Variants in KIRREL3 observed in about 807,000 individuals in gnomAD.
KIRREL3 encodes the protein kin of IRRE-like protein 3.
A neutral mutation model predicts 89.7 loss-of-function variants in KIRREL3; 36 were observed. The ratio of observed to expected loss-of-function variants is 0.40; its 90% CI spans 0.31 to 0.53. KIRREL3 has a LOEUF of 0.53. Ranked by LOEUF, KIRREL3 falls within the 20% of genes least tolerant of loss-of-function variation. KIRREL3 has a pLI of 0.49. For synonymous variants in KIRREL3, 445 were observed against 441.4 expected (o/e 1.01, Z -0.10); for missense variants, 864 against 1,056.6 (o/e 0.82, Z 2.53).
At position 126,994,812 on chromosome 11, in the gene KIRREL3, C is replaced by A. The variant is rs1218144452; in HGVS notation, c.55+5643G>T. Among the ~76,000 whole-genome samples the A allele has an allele frequency of 6.6e-6, 1 of 152,194 alleles. No individual in the cohort carries two copies. The highest frequency in any genetic ancestry group is 1.5e-5 in the Non-Finnish European group (1 of 68,046). ...TGGCACAGTGTGCTTTCTGAGAGGA[C>A]TGAAGCCCTTCCGTGCTTCATAATA... is the stretch of plus-strand genomic sequence containing the variant. On this transcript the variant is annotated intron_variant, in intron 1 of 16. Transcript: ENST00000525144. This position sits in a 1 kb window ranked among gnomAD's most constrained non-coding sequence, Gnocchi z 5.2.
intron 1 of KIRREL3, among the ~76,000 whole-genome samples, chr11:126,600,177 AT>A (rs1942590209): frequency 6.6e-6 from 1 of 152,214 alleles, no homozygotes; most frequent in Non-Finnish European, 1.5e-5. Flanking sequence ...TGTAGCCAGT[AT>A]CCAGTGGGCA....
At position 126,471,955 on chromosome 11, in the gene KIRREL3, G is replaced by A. The variant is rs377316060; in HGVS notation, c.591+1354C>T. On this transcript the variant is annotated intron_variant, in intron 5 of 16. Transcript: ENST00000525144. The surrounding 1 kb of genome is among the most constrained non-coding windows in gnomAD (Gnocchi z 5.4). Reference sequence around the variant, plus strand: ...TGTTGGTAGACACAGCAGGGCAAGGGCTGTTGGGTAAGGGATCATGGGCTG... The same window carrying A: ...TGTTGGTAGACACAGCAGGGCAAGGACTGTTGGGTAAGGGATCATGGGCTG... Among the ~76,000 whole-genome samples, 13 of 152,166 alleles carry A rather than the reference G, an allele frequency of 8.5e-5. No individual in the cohort carries two copies. The highest frequency in any genetic ancestry group is 2.4e-4 in the African/African-American group (10 of 41,424).
intron 1 of KIRREL3, among the ~76,000 whole-genome samples, chr11:126,859,238 T>G (rs1944632302): frequency 6.6e-6 from 1 of 152,208 alleles, no homozygotes; most frequent in Non-Finnish European, 1.5e-5. Context: ...GTAATGATAA[T>G]GAAAGCAAAT....
chr11:126,633,058 G>T (rs978622134), intron 1 of KIRREL3, among the ~76,000 whole-genome samples: 2 of 151,864 alleles, frequency 1.3e-5, no homozygotes, highest in East Asian at 3.9e-4. Flanking sequence ...CTTCAGCCTG[G>T]GCAATAGAGT....
At chr11:126,972,168 T>TAGAGAGAGAGAGAGAG (rs61426707) in intron 1 of KIRREL3, among the ~76,000 whole-genome samples, 8,373 of 119,414 alleles carry the variant, frequency 0.07, 669 homozygotes, top group South Asian at 0.099. Flanking sequence ...GAGGGTCTGG[T>TAGAGAGAGAGAGAGAG]AGAGAGAGAG....
chr11:126,453,675 C>T (rs948541566), intron 7 of KIRREL3, among the ~76,000 whole-genome samples: 2 of 152,318 alleles, frequency 1.3e-5, no homozygotes, highest in African/African-American at 2.4e-5. Flanking sequence ...CTCCCCTCTC[C>T]GTGGCCCCTC....
intron 1 of KIRREL3, chr11:126,944,309 T>C (rs778138899): frequency 6.6e-6 from 1 of 152,250 alleles, no homozygotes; most frequent in Non-Finnish European, 1.5e-5. Flanking sequence ...TGTTTTTCTC[T>C]GGTTAGTCTG....
At position 126,872,154 on chromosome 11, in the gene KIRREL3, C is replaced by T. The variant is rs1945128357; in HGVS notation, c.55+128301G>A. ...ACCAGCAGACAGTGATGAAAGTGAC[C>T]TCTAGTTGTCCTTACTGCTCATTAA... On this transcript the variant is annotated intron_variant, in intron 1 of 16. Transcript: ENST00000525144. This position sits in a 1 kb window ranked among gnomAD's most constrained non-coding sequence, Gnocchi z 4.2. Among the ~76,000 whole-genome samples, 1 of 152,190 alleles carries T rather than the reference C, an allele frequency of 6.6e-6. No homozygotes were observed. The highest frequency in any genetic ancestry group is 1.9e-4 in the East Asian group (1 of 5,192).
intron 1 of KIRREL3, among the ~76,000 whole-genome samples, chr11:126,982,279 G>A (rs1056201744): frequency 2.0e-5 from 3 of 152,214 alleles, no homozygotes; most frequent in African/African-American, 7.2e-5. Flanking sequence ...AGACTTGTAA[G>A]GTGGGTGTGG....
rs1206581691 is a variant in KIRREL3, at chr11:126,750,466, G to T, written c.56-187554C>A. Among the ~76,000 whole-genome samples, 1 of 149,330 alleles carries T rather than the reference G, an allele frequency of 6.7e-6. No homozygotes were observed. The highest frequency in any genetic ancestry group is 1.5e-5 in the Non-Finnish European group (1 of 67,134). On this transcript the variant is annotated intron_variant, in intron 1 of 16. Coordinates refer to ENST00000525144, the MANE Select transcript of KIRREL3 (RefSeq NM_032531.4). This position sits in a 1 kb window ranked among gnomAD's most constrained non-coding sequence, Gnocchi z 4.2. ...CTTTAGAAACAGAAGGGACTGGAGA[G>T]GTTTGGCTGAGAGACTTAAGAATGT... is the stretch of plus-strand genomic sequence containing the variant.
Position 126,668,387 on chromosome 11 carries a change from T to A in KIRREL3, c.56-105475A>T, listed in dbSNP as rs962973889. 5.9e-5 allele frequency among the ~76,000 whole-genome samples: 9 copies of A among 152,168 alleles called. No homozygotes were observed. The highest frequency in any genetic ancestry group is 8.8e-5 in the Non-Finnish European group (6 of 68,032). On this transcript the variant is annotated intron_variant, in intron 1 of 16. Transcript: ENST00000525144. The surrounding 1 kb of genome is among the most constrained non-coding windows in gnomAD (Gnocchi z 4.4). The stretch of plus-strand genomic sequence containing the variant: ...AGCCTTGGAGGTGAGAATTTTAGCT[T>A]ATGAATTTGGGGGAATATAACCATT...
At chr11:126,923,224 T>TCTA (rs1947501596) in intron 1 of KIRREL3, among the ~76,000 whole-genome samples, 2 of 34,758 alleles carry the variant, frequency 5.8e-5, no homozygotes, top group Admixed American at 3.0e-4. Flanking sequence ...TTCTTCTTCT[T>TCTA]CTTCTTCTTC....
chr11:126,631,319 C>T (rs1944016975), intron 1 of KIRREL3, among the ~76,000 whole-genome samples: 1 of 152,154 alleles, frequency 6.6e-6, no homozygotes, highest in Non-Finnish European at 1.5e-5. Flanking sequence ...TTGATGAGGG[C>T]CACACAGCTG....
intron 1 of KIRREL3, among the ~76,000 whole-genome samples, chr11:126,721,097 A>G (rs1948153957): frequency 6.6e-6 from 1 of 152,202 alleles, no homozygotes. Context: ...AGACAGACTG[A>G]ATGAGAAACA....
At chr11:126,436,061 C>G (rs1297700581) in intron 12 of KIRREL3, among the ~76,000 whole-genome samples, 1 of 152,232 alleles carries the variant, frequency 6.6e-6, no homozygotes, top group African/African-American at 2.4e-5. Flanking sequence ...TTGTCTGTGC[C>G]TGAGAGCTCT....
chr11:126,696,610 ACCACAGCTGGAATCCACAGAGGCG>A lies in KIRREL3; in HGVS notation c.56-133722_56-133699del, dbSNP rs1235513370. On this transcript the variant is annotated intron_variant, in intron 1 of 16. Transcript: ENST00000525144. This position sits in a 1 kb window ranked among gnomAD's most constrained non-coding sequence, Gnocchi z 4.4. The stretch of plus-strand genomic sequence containing the variant: ...ATCCCCAAACGTTGCTGATCAACAC[ACCACAGCTGGAATCCACAGAGGCG>A]CCACAGTACCGAAAGGGTGGCTCAA... Among the ~76,000 whole-genome samples, 1 of 152,038 alleles carries A rather than the reference ACCACAGCTGGAATCCACAGAGGCG, an allele frequency of 6.6e-6. No individual in the cohort carries two copies. The highest frequency in any genetic ancestry group is 2.4e-5 in the African/African-American group (1 of 41,392).
rs1274823453 is a variant in KIRREL3, at chr11:126,535,328, T to A, written c.134-8641A>T. Among the ~76,000 whole-genome samples the A allele has an allele frequency of 2.6e-5, 4 of 152,144 alleles. No homozygotes were observed. Among genetic ancestry groups the A allele is most frequent in the African/African-American group, 9.7e-5 (4 of 41,432 alleles). On this transcript the variant is annotated intron_variant, in intron 2 of 16. Coordinates refer to ENST00000525144, the MANE Select transcript of KIRREL3 (RefSeq NM_032531.4). This position sits in a 1 kb window ranked among gnomAD's most constrained non-coding sequence, Gnocchi z 4.5. ...CTTTTCTGGGACTCGCAGCACACAT[T>A]ATCACGGAATGAACCATCACCATCT...
chr11:126,839,019 A>T (rs1215271954), intron 1 of KIRREL3, among the ~76,000 whole-genome samples: 7 of 152,206 alleles, frequency 4.6e-5, no homozygotes, highest in Non-Finnish European at 1.0e-4. Flanking sequence ...GCTGCCTCCA[A>T]GGGAGGACTT....
chr11:126,861,062 C>G (rs1426018451), intron 1 of KIRREL3, among the ~76,000 whole-genome samples: 1 of 152,146 alleles, frequency 6.6e-6, no homozygotes, highest in East Asian at 1.9e-4. Flanking sequence ...TTTGTTCTCA[C>G]ATGGGTAGGG....
Sources: gnomAD v4.1 joint callset for allele counts (sites outside exome capture counted in the v4.1 genomes callset) on GRCh38, gnomAD v4.1.1 for gene constraint, Gnocchi (gnomAD v3.1) non-coding constraint, MANE v1.5 for transcripts, NCBI Gene and HGNC (gene_info 2026-07-23, HGNC 2026-07-21) for gene names.